RYR2: variants seen among roughly 807,000 people sequenced by gnomAD.
RYR2 encodes cardiac muscle ryanodine receptor-calcium release channel.
A neutral mutation model predicts 601.1 loss-of-function variants in RYR2; 227 were observed. That is an observed-to-expected ratio of 0.38 (90% confidence interval 0.34 to 0.42). RYR2 has a LOEUF of 0.42. RYR2 is among the 10% of genes least tolerant of loss of function. The pLI is 1.00. For synonymous variants in RYR2, 2,223 were observed against 2,175.1 expected (o/e 1.02, Z -0.61); for missense variants, 4,646 against 6,156.5 (o/e 0.75, Z 8.21).
intron 11 of RYR2, among the ~76,000 whole-genome samples, chr1:237,418,806 C>G (rs1426237786): frequency 6.6e-6 from 1 of 151,938 alleles, no homozygotes; most frequent in Non-Finnish European, 1.5e-5. Flanking sequence ...TCATTAATAA[C>G]TAATTGAAAA....
intron 2 of RYR2, among the ~76,000 whole-genome samples, chr1:237,309,705 A>AGGCTCGGG (rs1558598407): frequency 6.6e-6 from 1 of 151,780 alleles, no homozygotes; most frequent in Non-Finnish European, 1.5e-5. Flanking sequence ...GGAGGCTCGG[A>AGGCTCGGG]CACGCAGGAG....
chr1:237,226,267 G>C (rs762092139), intron 1 of RYR2, among the ~76,000 whole-genome samples: 10 of 152,012 alleles, frequency 6.6e-5, no homozygotes, highest in African/African-American at 2.4e-4. Context: ...TGCGTATTTC[G>C]CCTCTCACTG....
rs754718539 is a variant in RYR2 at position 237,617,268 on chromosome 1, T to G, written c.5716-18T>G. Reference sequence around the variant, plus strand: ...GGATTTAGAAATTAAATTTGGTGTCTTTTTAATGGTCTCTTAGATGTGCCT... The same window carrying G: ...GGATTTAGAAATTAAATTTGGTGTCGTTTTAATGGTCTCTTAGATGTGCCT... On this transcript the variant is annotated intron_variant, in intron 37 of 104. Coordinates refer to ENST00000366574, the MANE Select transcript of RYR2 (RefSeq NM_001035.3). 3.1e-6 allele frequency: 5 copies of G among 1,588,084 alleles called. No homozygotes were observed. Among genetic ancestry groups the G allele is most frequent in the South Asian group, 2.3e-5 (2 of 87,430 alleles).
chr1:237,561,945 T>C (rs1671499905), intron 27 of RYR2, among the ~76,000 whole-genome samples: 2 of 152,204 alleles, frequency 1.3e-5, no homozygotes, highest in Non-Finnish European at 2.9e-5. Context: ...GCAAAATCAG[T>C]CTGATTATCA....
chr1:237,042,542 C>T lies in RYR2; in HGVS notation c.21C>T (p.Gly7=). 1 of 1,259,686 alleles carries T rather than the reference C, an allele frequency of 7.9e-7. No individual in the cohort carries two copies. Among genetic ancestry groups the T allele is most frequent in the Non-Finnish European group, 1.0e-6 (1 of 994,554 alleles). The allele number at this position is 1,259,686 out of a possible 1,614,324, so 78.0% of individuals were successfully genotyped here. MADGGE[G]EDEIQFLRTD... is the part of the protein sequence containing the mutation. ...GAACCATGGCCGATGGGGGCGAGGGCGAAGACGAGATCCAGTTCCTGCGAA... is the reference window on the plus strand; with the variant it reads ...GAACCATGGCCGATGGGGGCGAGGGTGAAGACGAGATCCAGTTCCTGCGAA... Residue 7 remains glycine (G), a synonymous_variant, in exon 1 of 105, where the codon GGC becomes GGT. Transcript: ENST00000366574.
chr1:237,448,363 A>G (rs1463690417), intron 14 of RYR2, among the ~76,000 whole-genome samples: 1 of 152,190 alleles, frequency 6.6e-6, no homozygotes, highest in African/African-American at 2.4e-5. Flanking sequence ...GTCAGAGAAT[A>G]TACTTTGTGA....
chr1:237,355,241 T>C (rs1699197231), intron 3 of RYR2, among the ~76,000 whole-genome samples: 1 of 152,166 alleles, frequency 6.6e-6, no homozygotes. Flanking sequence ...AGATTGAGTA[T>C]GTCTCTCAAT....
chr1:237,120,238 C>T (rs896555919), intron 1 of RYR2, among the ~76,000 whole-genome samples: 8 of 152,046 alleles, frequency 5.3e-5, no homozygotes, highest in Non-Finnish European at 7.4e-5. Flanking sequence ...GCCTGACACA[C>T]GGTAAGTGCC....
chr1:237,694,033 G>T (rs926974631), intron 63 of RYR2, among the ~76,000 whole-genome samples: 1 of 152,138 alleles, frequency 6.6e-6, no homozygotes. Context: ...GGTGGCTCAC[G>T]CCTGTAATCC....
Position 237,614,098 on chromosome 1 carries a change from C to G in RYR2, c.4970C>G (p.Thr1657Ser). Residue 1657 changes from threonine (T) to serine (S), a missense_variant, in exon 37 of 105, where the codon ACT becomes AGT. Thr to Ser is a moderately conservative substitution (Grantham distance 58). This residue lies in a region of RYR2 where 1,807 missense variants were observed against 2,088.1 expected (regional missense o/e 0.87). Coordinates refer to ENST00000366574, the MANE Select transcript of RYR2 (RefSeq NM_001035.3). This position sits in a 1 kb window ranked among gnomAD's most constrained non-coding sequence, Gnocchi z 4.3. The part of the protein sequence containing the change: ...QEELLKFHYH[T>S]LRLYSAVCAL... ...GAATTGCTGAAATTTCACTATCACACTCTCCGGCTCTACTCAGCCGTCTGT... is the reference window on the plus strand; with the variant it reads ...GAATTGCTGAAATTTCACTATCACAGTCTCCGGCTCTACTCAGCCGTCTGT... 1 of 1,614,062 alleles carries G rather than the reference C, an allele frequency of 6.2e-7. No individual in the cohort carries two copies. Among genetic ancestry groups the G allele is most frequent in the Admixed American group, 1.7e-5 (1 of 60,034 alleles).
chr1:237,466,755 A>G (rs1315762018), intron 16 of RYR2, among the ~76,000 whole-genome samples: 1 of 151,944 alleles, frequency 6.6e-6, no homozygotes, highest in Admixed American at 6.6e-5. Context: ...TTTTGCCTTG[A>G]GTACACTTTT....
intron 3 of RYR2, among the ~76,000 whole-genome samples, chr1:237,338,980 A>G (rs1405449483): frequency 6.6e-6 from 1 of 152,188 alleles, no homozygotes; most frequent in African/African-American, 2.4e-5. Context: ...ACTCACTGGA[A>G]AAAAATGAGG....
chr1:237,589,162 T>A (rs1674868034), intron 29 of RYR2, among the ~76,000 whole-genome samples: 1 of 152,236 alleles, frequency 6.6e-6, no homozygotes, highest in Non-Finnish European at 1.5e-5. Flanking sequence ...CATAAATACA[T>A]GCTTCATACA....
At chr1:237,102,388 C>G (rs370979445) in intron 1 of RYR2, among the ~76,000 whole-genome samples, 2 of 152,164 alleles carry the variant, frequency 1.3e-5, no homozygotes, top group Admixed American at 1.3e-4. Context: ...ACACAGCAGC[C>G]GTCCTCTTGT....
chr1:237,625,166 C>T (rs563222286), intron 39 of RYR2, among the ~76,000 whole-genome samples: 1 of 152,032 alleles, frequency 6.6e-6, no homozygotes, highest in African/African-American at 2.4e-5. Context: ...AGAATTACTG[C>T]TTCAGATATA....
At chr1:237,515,874 C>CCTA (rs1666460089) in intron 24 of RYR2, among the ~76,000 whole-genome samples, 2 of 109,520 alleles carry the variant, frequency 1.8e-5, no homozygotes, top group Non-Finnish European at 2.0e-5. Context: ...TCTTCTTTTC[C>CCTA]TTCCTCTTCT....
At position 237,520,384 on chromosome 1, in the gene RYR2, G is replaced by T. The variant is rs555053111; in HGVS notation, c.2822+8593G>T. On this transcript the variant is annotated intron_variant, in intron 24 of 104. Transcript: ENST00000366574. ...AAGTAAATATCCTTGTTTTGTTCCA[G>T]TTCTTACAGGGAAAGTTTTCAACTT... Among the ~76,000 whole-genome samples, 7 of 152,210 alleles carry T rather than the reference G, an allele frequency of 4.6e-5. No individual in the cohort carries two copies. The South Asian group carries it at 1.5e-3, about 32-fold the overall frequency.
At chr1:237,257,953 C>T (rs1291266128) in intron 1 of RYR2, among the ~76,000 whole-genome samples, 1 of 151,956 alleles carries the variant, frequency 6.6e-6, no homozygotes, top group Admixed American at 6.6e-5. Context: ...CACCTGAGGT[C>T]AAGAGTTCGA....
chr1:237,101,299 TAA>T (rs374151748), intron 1 of RYR2, among the ~76,000 whole-genome samples: 35 of 94,156 alleles, frequency 3.7e-4, no homozygotes, highest in African/African-American at 1.1e-3. Context: ...TTTTAGAAGT[TAA>T]AAAAAAAAAA....
Sources: allele counts gnomAD v4.1 joint callset (sites outside exome capture counted in the v4.1 genomes callset), GRCh38; gene constraint gnomAD v4.1.1; regional missense constraint gnomAD v4.1.1; non-coding constraint Gnocchi (gnomAD v3.1); transcripts MANE v1.5; gene names NCBI Gene and HGNC (gene_info 2026-07-23, HGNC 2026-07-21).